Variants in EFR3A observed in about 807,000 individuals in gnomAD.
EFR3A encodes the protein protein EFR3 homolog A.
In EFR3A, 76 loss-of-function variants were observed where a neutral mutation model predicts 104.4. That is an observed-to-expected ratio of 0.73 (90% CI 0.60 to 0.88). The LOEUF (loss-of-function observed/expected upper bound fraction) is 0.88, where lower values mean the gene tolerates loss of function less well. Among genes scored for constraint, EFR3A ranks in the 40% least tolerant of loss-of-function variants. EFR3A has a pLI of 0.00. For missense variants in EFR3A, 985 were observed against 1,012.5 expected (o/e 0.97, Z 0.37); for synonymous variants, 330 against 330.0 (o/e 1.00, Z 0.00).
In EFR3A at chr8:132,003,412, A is replaced by G. The variant is rs532206421; in HGVS notation, c.2360+127A>G. On this transcript the variant is annotated intron_variant, in intron 22 of 22. Transcript: ENST00000254624. ...AAGTAATGCTTTTCATTTAGGATTAACATAAGATCATATAGGTGATCCTTT... is the reference window on the plus strand; with the variant it reads ...AAGTAATGCTTTTCATTTAGGATTAGCATAAGATCATATAGGTGATCCTTT... 249 of 876,842 alleles carry G rather than the reference A, an allele frequency of 2.8e-4. No homozygotes were observed. In the African/African-American group the frequency reaches 3.7e-3, roughly 13 times the overall value. The allele number at this position is 876,842 out of a possible 1,614,324, so 54.3% of individuals were successfully genotyped here.
chr8:131,941,184 G>A (rs1455707368), intron 2 of EFR3A, among the ~76,000 whole-genome samples: 2 of 151,952 alleles, frequency 1.3e-5, no homozygotes, highest in East Asian at 3.9e-4. Context: ...TTCAGGCAGA[G>A]TTTTTCTTTT....
chr8:131,987,691 C>A lies in EFR3A; in HGVS notation c.2054C>A (p.Pro685Gln). The A allele has an allele frequency of 6.3e-7, 1 of 1,590,528 alleles. No homozygotes were observed. The highest frequency in any genetic ancestry group is 8.6e-7 in the Non-Finnish European group (1 of 1,167,732). Reference sequence around the variant, plus strand: ...GAGAGATTGTCAGTTCCGTATGTACCACAAGTAACAGGTAAGAGGAGGATA... The same window carrying A: ...GAGAGATTGTCAGTTCCGTATGTACAACAAGTAACAGGTAAGAGGAGGATA... ...SVERLSVPYV[P>Q]QVTDEDRLSR... The change falls in exon 18 of 23, where the codon CCA becomes CAA. Residue 685 changes from proline to glutamine, a missense_variant. Coordinates refer to ENST00000254624, the MANE Select transcript of EFR3A (RefSeq NM_015137.6).
chr8:131,955,223 C>T (rs1270669897), intron 6 of EFR3A, among the ~76,000 whole-genome samples: 5 of 151,986 alleles, frequency 3.3e-5, no homozygotes, highest in South Asian at 2.1e-4. Context: ...ATATAATCCC[C>T]GTGCCACATA....
intron 19 of EFR3A, among the ~76,000 whole-genome samples, chr8:132,000,293 T>C (rs1277113460): frequency 1.3e-5 from 2 of 152,104 alleles, no homozygotes; most frequent in Non-Finnish European, 2.9e-5. Flanking sequence ...CATGCCCAGC[T>C]AATTTTTTGT....
intron 1 of EFR3A, among the ~76,000 whole-genome samples, chr8:131,910,994 T>G (rs1816487161): frequency 6.6e-6 from 1 of 152,188 alleles, no homozygotes; most frequent in African/African-American, 2.4e-5. Flanking sequence ...ATGAGTCGTT[T>G]GTCTAGGTTA....
chr8:132,012,767 AAAAAT>A lies in EFR3A; in HGVS notation c.*1879_*1883del, dbSNP rs1297006267. The A allele has an allele frequency of 1.1e-4, 17 of 152,392 alleles. No individual in the cohort carries two copies. Among genetic ancestry groups the A allele is most frequent in the Non-Finnish European group, 2.9e-5 (2 of 67,980 alleles). The allele number at this position is 152,392 out of a possible 1,614,324, so 9.4% of individuals were successfully genotyped here. On this transcript the variant is annotated 3_prime_UTR_variant, in exon 23 of 23. Coordinates refer to ENST00000254624, the MANE Select transcript of EFR3A (RefSeq NM_015137.6). ...AAAATATATATAATTTAATAGTATA[AAAAAT>A]AAAATATATATTCATTTGCACTTAC...
At chr8:131,961,289 T>C (rs968891986) in intron 8 of EFR3A, among the ~76,000 whole-genome samples, 1 of 152,064 alleles carries the variant, frequency 6.6e-6, no homozygotes, top group East Asian at 1.9e-4. Flanking sequence ...TTCGAACCCA[T>C]GGCAAAGAAG....
intron 18 of EFR3A, among the ~76,000 whole-genome samples, chr8:131,989,284 A>T (rs1452834189): frequency 6.6e-6 from 1 of 152,310 alleles, no homozygotes; most frequent in African/African-American, 2.4e-5. Flanking sequence ...ATATTCATTT[A>T]AAAAATTCAA....
intron 14 of EFR3A, among the ~76,000 whole-genome samples, chr8:131,983,613 T>G (rs2130750023): frequency 6.6e-6 from 1 of 152,254 alleles, no homozygotes; most frequent in East Asian, 1.9e-4. Flanking sequence ...TCTTCTCTGT[T>G]AATAGGCTTT....
intron 1 of EFR3A, among the ~76,000 whole-genome samples, chr8:131,906,168 G>C (rs1816255679): frequency 6.6e-6 from 1 of 152,102 alleles, no homozygotes; most frequent in Non-Finnish European, 1.5e-5. Flanking sequence ...TCTCTCCTTT[G>C]GCAGTCACAG....
At chr8:131,910,626 T>C (rs1816471088) in intron 1 of EFR3A, among the ~76,000 whole-genome samples, 1 of 152,220 alleles carries the variant, frequency 6.6e-6, no homozygotes, top group African/African-American at 2.4e-5. Context: ...CCATGCACTT[T>C]CCCACCCACA....
chr8:131,905,398 TTGATATTTTCC>T (rs1816203872), intron 1 of EFR3A, among the ~76,000 whole-genome samples: 1 of 152,238 alleles, frequency 6.6e-6, no homozygotes, highest in Non-Finnish European at 1.5e-5. Context: ...ATTATAAAGA[TTGATATTTTCC>T]TGATATTTAA....
intron 19 of EFR3A, among the ~76,000 whole-genome samples, chr8:131,998,214 T>C (rs984415072): frequency 2.0e-5 from 3 of 152,028 alleles, no homozygotes; most frequent in African/African-American, 7.2e-5. Flanking sequence ...ACTAATTAAT[T>C]ACTTTCATAT....
intron 1 of EFR3A, among the ~76,000 whole-genome samples, chr8:131,922,301 A>T (rs1174053732): frequency 6.6e-6 from 1 of 152,170 alleles, no homozygotes; most frequent in Non-Finnish European, 1.5e-5. Context: ...AATGGCAGGT[A>T]TAGGTTGAAT....
At chr8:131,961,667 T>G (rs546785778) in intron 8 of EFR3A, among the ~76,000 whole-genome samples, 65 of 152,292 alleles carry the variant, frequency 4.3e-4, no homozygotes, top group Non-Finnish European at 6.6e-4. Context: ...TTCCCCAATC[T>G]AGCAAGGCAG....
chr8:131,979,084 A>G (rs1820469624), intron 13 of EFR3A, 65 bp downstream of exon 13: 1 of 1,408,350 alleles, frequency 7.1e-7, no homozygotes, highest in Non-Finnish European at 9.6e-7. Context: ...AGTGTATTTA[A>G]GTATTGTGAT....
chr8:131,985,925 C>T (rs1820851277), intron 16 of EFR3A, among the ~76,000 whole-genome samples: 1 of 152,050 alleles, frequency 6.6e-6, no homozygotes, highest in Non-Finnish European at 1.5e-5. Context: ...TTATAATAGG[C>T]TTAATCAAAT....
intron 1 of EFR3A, among the ~76,000 whole-genome samples, chr8:131,922,033 C>A (rs1158457825): frequency 2.6e-5 from 4 of 152,160 alleles, no homozygotes; most frequent in African/African-American, 9.7e-5. Flanking sequence ...TGGGCAGGAT[C>A]ATGCTTCTGA....
At chr8:131,927,469 G>A (rs1170573878) in intron 1 of EFR3A, among the ~76,000 whole-genome samples, 3 of 152,104 alleles carry the variant, frequency 2.0e-5, no homozygotes, top group Non-Finnish European at 4.4e-5. Flanking sequence ...CCATTAAAGT[G>A]TTGTCACACC....
Sources: gnomAD v4.1 joint callset for allele counts (sites outside exome capture counted in the v4.1 genomes callset) on GRCh38, gnomAD v4.1.1 for gene constraint, MANE v1.5 for transcripts, NCBI Gene and HGNC (gene_info 2026-07-23, HGNC 2026-07-21) for gene names.